FRMD4B: variants seen among roughly 807,000 people sequenced by gnomAD.
FRMD4B encodes the protein FERM domain containing 4B, also known as FERM domain-containing protein 4B.
A neutral mutation model predicts 141.5 loss-of-function variants in FRMD4B; 74 were observed. The observed-to-expected ratio is 0.52, with a 90% confidence interval of 0.43 to 0.63. FRMD4B has a LOEUF of 0.63. Ranked by LOEUF, FRMD4B falls within the 30% of genes least tolerant of loss-of-function variation. The pLI is 0.00. For synonymous variants in FRMD4B, 506 were observed against 467.9 expected (o/e 1.08, Z -1.05); for missense variants, 1,366 against 1,253.4 (o/e 1.09, Z -1.36).
intron 22 of FRMD4B, among the ~76,000 whole-genome samples, chr3:69,176,002 G>A (rs906658807): frequency 5.9e-5 from 9 of 151,956 alleles, no homozygotes; most frequent in Non-Finnish European, 1.5e-5. Flanking sequence ...GGATGGTCTC[G>A]ATCTCCTGAC....
chr3:69,530,433 T>C (rs1414738659), intron 1 of FRMD4B, among the ~76,000 whole-genome samples: 1 of 152,172 alleles, frequency 6.6e-6, no homozygotes, highest in Non-Finnish European at 1.5e-5. Flanking sequence ...TCTCATCATG[T>C]AATCTCTGCA....
intron 4 of FRMD4B, among the ~76,000 whole-genome samples, chr3:69,296,407 C>T (rs376695459): frequency 3.0e-4 from 45 of 151,722 alleles, no homozygotes; most frequent in Non-Finnish European, 2.6e-4. Context: ...CTGAGGATTC[C>T]GTGTCTTTCT....
intron 7 of FRMD4B, among the ~76,000 whole-genome samples, chr3:69,248,546 G>A (rs2093440268): frequency 6.6e-6 from 1 of 152,322 alleles, no homozygotes; most frequent in South Asian, 2.1e-4. Flanking sequence ...ACCAGGAGTC[G>A]AACATTAACA....
intron 1 of FRMD4B, among the ~76,000 whole-genome samples, chr3:69,462,850 G>T (rs1705726839): frequency 6.6e-6 from 1 of 152,174 alleles, no homozygotes. Flanking sequence ...CCCCTGCACT[G>T]CTCAGAAGCA....
chr3:69,384,105 C>A (rs1246240588), intron 1 of FRMD4B, among the ~76,000 whole-genome samples: 1 of 152,054 alleles, frequency 6.6e-6, no homozygotes, highest in South Asian at 2.1e-4. Flanking sequence ...TGACTACCAC[C>A]ATTATTTTAG....
intron 1 of FRMD4B, among the ~76,000 whole-genome samples, chr3:69,446,395 C>T (rs761798284): frequency 5.3e-5 from 8 of 150,568 alleles, no homozygotes; most frequent in Admixed American, 1.3e-4. Context: ...TGCAGTGGTG[C>T]GATCTCAGCT....
At chr3:69,359,819 C>T (rs1014940697) in intron 1 of FRMD4B, among the ~76,000 whole-genome samples, 3 of 152,152 alleles carry the variant, frequency 2.0e-5, no homozygotes, top group African/African-American at 7.2e-5. Flanking sequence ...AAAATTGAGT[C>T]TCATCTCTGT....
chr3:69,218,383 T>C lies in FRMD4B; in HGVS notation c.732-4A>G, dbSNP rs373271468. ...AGCTTCTACTATTTTCATATACCTA[T>C]GGAAAATAAATATGTATCACAATCT... On this transcript the variant is annotated splice_region_variant and splice_polypyrimidine_tract_variant and intron_variant, in intron 9 of 22. Transcript: ENST00000398540. 28 of 1,344,364 alleles carry C rather than the reference T, an allele frequency of 2.1e-5. No homozygotes were observed. Among genetic ancestry groups the C allele is most frequent in the African/African-American group, 4.3e-5 (3 of 69,504 alleles). 83.3% of individuals were successfully genotyped at this position (1,344,364 alleles called of 1,614,324 possible). A position where few individuals can be genotyped will look rare whatever the true frequency, so the allele number is the denominator to read the frequency against.
intron 1 of FRMD4B, among the ~76,000 whole-genome samples, chr3:69,335,029 A>G (rs1702496107): frequency 6.6e-6 from 1 of 152,198 alleles, no homozygotes; most frequent in Admixed American, 6.5e-5. Flanking sequence ...CATACCTGTA[A>G]TCCCAGCACT....
intron 1 of FRMD4B, among the ~76,000 whole-genome samples, chr3:69,438,991 C>A (rs573191947): frequency 6.6e-6 from 1 of 152,100 alleles, no homozygotes; most frequent in Non-Finnish European, 1.5e-5. Flanking sequence ...CAGTCCAATT[C>A]TTTCTTCATC....
At chr3:69,507,545 T>C (rs1706617960) in intron 1 of FRMD4B, among the ~76,000 whole-genome samples, 1 of 152,206 alleles carries the variant, frequency 6.6e-6, no homozygotes. Flanking sequence ...TATAGATGTG[T>C]TAAATATGTT....
At chr3:69,265,235 A>G (rs2093553141) in intron 5 of FRMD4B, among the ~76,000 whole-genome samples, 1 of 109,290 alleles carries the variant, frequency 9.1e-6, no homozygotes, top group African/African-American at 3.5e-5. Flanking sequence ...AGCCTGGGCA[A>G]CACAGCGAGA....
intron 1 of FRMD4B, among the ~76,000 whole-genome samples, chr3:69,493,965 C>T (rs946363248): frequency 6.6e-6 from 1 of 152,202 alleles, no homozygotes; most frequent in African/African-American, 2.4e-5. Context: ...CAGCCTCAAA[C>T]TCTTGGCCTC....
chr3:69,435,818 A>T (rs1705251930), intron 1 of FRMD4B, among the ~76,000 whole-genome samples: 1 of 152,202 alleles, frequency 6.6e-6, no homozygotes, highest in Admixed American at 6.5e-5. Context: ...AGTCAAAATG[A>T]ACACTGGAAA....
intron 5 of FRMD4B, among the ~76,000 whole-genome samples, chr3:69,271,527 A>G (rs1396565833): frequency 6.6e-6 from 1 of 152,228 alleles, no homozygotes; most frequent in Non-Finnish European, 1.5e-5. Context: ...TATTATTAGG[A>G]AAACTTTGAT....
intron 11 of FRMD4B, among the ~76,000 whole-genome samples, chr3:69,205,789 T>C (rs2093019281): frequency 6.6e-6 from 1 of 152,154 alleles, no homozygotes; most frequent in South Asian, 2.1e-4. Context: ...AGGATAATAT[T>C]TGGTGATATA....
intron 9 of FRMD4B, among the ~76,000 whole-genome samples, chr3:69,219,206 G>A (rs373325428): frequency 6.7e-5 from 10 of 149,902 alleles, no homozygotes; most frequent in East Asian, 2.0e-4. Flanking sequence ...TTAAAGCAAC[G>A]ATGCCACTAC....
intron 2 of FRMD4B, among the ~76,000 whole-genome samples, chr3:69,414,861 G>GTTTTTTTTTT (rs5849900): frequency 1.0e-5 from 1 of 98,044 alleles, no homozygotes; most frequent in Non-Finnish European, 1.9e-5. Context: ...CGAACAAGCT[G>GTTTTTTTTTT]TTTTTTTTTT....
At chr3:69,403,247 T>C (rs1396576636) in intron 2 of FRMD4B, among the ~76,000 whole-genome samples, 2 of 152,186 alleles carry the variant, frequency 1.3e-5, no homozygotes, top group African/African-American at 4.8e-5. Context: ...CTGATATTCC[T>C]TAGAAAAGAA....
Sources: gnomAD v4.1 joint callset for allele counts (sites outside exome capture counted in the v4.1 genomes callset) on GRCh38, gnomAD v4.1.1 for gene constraint, MANE v1.5 for transcripts, NCBI Gene and HGNC (gene_info 2026-07-23, HGNC 2026-07-21) for gene names.